ADCY3: variants seen among roughly 807,000 people sequenced by gnomAD.
The protein encoded by ADCY3 is adenylate cyclase type 3.
Under a neutral mutation model 119.4 loss-of-function variants are expected in ADCY3, and 70 were observed. That is an observed-to-expected ratio of 0.59 (90% confidence interval 0.48 to 0.72). The LOEUF is 0.72. Ranked by LOEUF, ADCY3 falls within the 30% of genes least tolerant of loss-of-function variation. The probability of loss-of-function intolerance (pLI) is 0.00; values close to 1 mark genes in which losing one functional copy is unlikely to be tolerated. For missense variants in ADCY3, 1,238 were observed against 1,541.6 expected (o/e 0.80, Z 3.30); for synonymous variants, 672 against 621.4 (o/e 1.08, Z -1.21).
chr2:24,859,195 T>C (rs1173564662), intron 3 of ADCY3, among the ~76,000 whole-genome samples: 1 of 152,152 alleles, frequency 6.6e-6, no homozygotes, highest in Non-Finnish European at 1.5e-5. Context: ...TGTCTGTGTG[T>C]CTCCTGTGAA....
intron 3 of ADCY3, among the ~76,000 whole-genome samples, chr2:24,852,203 C>CG (rs1672386730): frequency 1.3e-5 from 2 of 152,276 alleles, no homozygotes; most frequent in South Asian, 4.1e-4. Context: ...GCGGCTGCCT[C>CG]GGGGGGAACT....
intron 3 of ADCY3, among the ~76,000 whole-genome samples, chr2:24,864,784 T>C (rs777815718): frequency 6.6e-6 from 1 of 152,224 alleles, no homozygotes; most frequent in African/African-American, 2.4e-5. Flanking sequence ...CGGACAGTGG[T>C]GATGGCTGCA....
intron 20 of ADCY3, 151 bp from the exon 21 acceptor site, chr2:24,820,999 G>A: frequency 9.0e-7 from 1 of 1,115,908 alleles, no homozygotes; most frequent in Non-Finnish European, 1.3e-6. Context: ...TTGGAGGGTG[G>A]AAATCACATC....
At chr2:24,912,618 T>A (rs183675038) in intron 2 of ADCY3, among the ~76,000 whole-genome samples, 1 of 144,376 alleles carries the variant, frequency 6.9e-6, no homozygotes, top group Admixed American at 6.8e-5. Flanking sequence ...TGTGTGTGTG[T>A]GTGTGTGCCT....
chr2:24,825,793 T>C (rs1198270693), intron 16 of ADCY3: 2 of 537,450 alleles, frequency 3.7e-6, no homozygotes, highest in East Asian at 6.4e-5. Context: ...CTCTATCCCC[T>C]CCCACCTTCA....
chr2:24,844,764 G>A (rs1287482197), intron 3 of ADCY3, among the ~76,000 whole-genome samples: 1 of 152,208 alleles, frequency 6.6e-6, no homozygotes, highest in Admixed American at 6.5e-5. Flanking sequence ...AGGACAAGGT[G>A]AGCATGCCTG....
At chr2:24,907,874 A>G (rs961659303) in intron 2 of ADCY3, among the ~76,000 whole-genome samples, 10 of 151,732 alleles carry the variant, frequency 6.6e-5, no homozygotes, top group African/African-American at 2.4e-4. Context: ...AGCTCCTGTA[A>G]TCCCAGCTAC....
rs1402140840 is a variant in ADCY3, at chr2:24,819,720, C to T, written c.*212G>A. ...CTGGAAGGACTGTTCAGCCCTATGC[C>T]TAAGACCCCTATGCTGGGGACACTA... On this transcript the variant is annotated 3_prime_UTR_variant, in exon 22 of 22. Transcript: ENST00000679454. 3.5e-6 allele frequency: 2 copies of T among 568,354 alleles called. No homozygotes were observed. Among genetic ancestry groups the T allele is most frequent in the Non-Finnish European group, 6.2e-6 (2 of 323,324 alleles). The allele number at this position is 568,354 out of a possible 1,614,324, so 35.2% of individuals were successfully genotyped here.
intron 3 of ADCY3, among the ~76,000 whole-genome samples, chr2:24,853,700 C>G (rs960450263): frequency 6.6e-6 from 1 of 151,974 alleles, no homozygotes; most frequent in African/African-American, 2.4e-5. Flanking sequence ...CTCAGGTGAT[C>G]TGCCCGAGAT....
chr2:24,888,741 G>T lies in ADCY3; in HGVS notation c.676-16022C>A, dbSNP rs1677349080. ...ATGGTGGAAAGGGCCTGGTGTGGTG[G>T]CTCAGGCCTGTAATCCCAGTACTTT... On this transcript the variant is annotated intron_variant, in intron 2 of 21. Transcript: ENST00000679454. 3.3e-5 allele frequency among the ~76,000 whole-genome samples: 5 copies of T among 152,230 alleles called. No individual in the cohort carries two copies. In the South Asian group the frequency reaches 1.0e-3, roughly 32 times the overall value.
chr2:24,842,217 G>C lies in ADCY3; in HGVS notation c.956+37C>G, dbSNP rs201084529. ...ACAAAGATGCAGCCCTCCACAGCCTGCTCTGCCATCAGAGCCCGCGCCCCG... is the reference window on the plus strand; with the variant it reads ...ACAAAGATGCAGCCCTCCACAGCCTCCTCTGCCATCAGAGCCCGCGCCCCG... On this transcript the variant is annotated intron_variant, in intron 4 of 21. Transcript: ENST00000679454. The surrounding 1 kb of genome is among the most constrained non-coding windows in gnomAD (Gnocchi z 4.9). The C allele has an allele frequency of 9.3e-6, 15 of 1,612,540 alleles. No homozygotes were observed. In the Admixed American group the frequency reaches 2.5e-4, roughly 27 times the overall value.
intron 11 of ADCY3, among the ~76,000 whole-genome samples, chr2:24,833,049 C>T (rs1669807417): frequency 6.6e-6 from 1 of 152,244 alleles, no homozygotes; most frequent in Admixed American, 6.5e-5. Context: ...CACTGATCCT[C>T]CTCTATCCTC....
intron 3 of ADCY3, among the ~76,000 whole-genome samples, chr2:24,862,509 G>T (rs1302302873): frequency 6.6e-6 from 1 of 150,658 alleles, no homozygotes; most frequent in East Asian, 1.9e-4. Flanking sequence ...TCGTGCCACT[G>T]CACTCCAGCC....
In ADCY3 at chr2:24,918,718, G is replaced by A; in HGVS notation, c.270C>T (p.Cys90=). 1 of 1,614,126 alleles carries A rather than the reference G, an allele frequency of 6.2e-7. No individual in the cohort carries two copies. The highest frequency in any genetic ancestry group is 2.2e-5 in the East Asian group (1 of 44,882). The change falls in exon 2 of 22, where the codon TGC becomes TGT. Residue 90 remains cysteine (C), a synonymous_variant. Coordinates refer to ENST00000679454, the MANE Select transcript of ADCY3 (RefSeq NM_004036.5). This position sits in a 1 kb window ranked among gnomAD's most constrained non-coding sequence, Gnocchi z 5.4. ...VLVVFAALFD[C]YVVVMCAVVF... ...CCACAGCACACATGACCACCACGTA[G>A]CAGTCAAAGAGGGCTGCAAAGACCA...
intron 16 of ADCY3, chr2:24,825,775 T>C (rs1479017799): frequency 4.1e-6 from 2 of 491,282 alleles, no homozygotes; most frequent in Middle Eastern, 5.4e-4. Flanking sequence ...AAGATGTTTG[T>C]GCCTTCACTC....
intron 2 of ADCY3, among the ~76,000 whole-genome samples, chr2:24,879,118 C>T (rs868635390): frequency 7.9e-5 from 12 of 152,142 alleles, no homozygotes; most frequent in African/African-American, 1.2e-4. Flanking sequence ...TGGAGCAAGT[C>T]GCCTGCCTCT....
At chr2:24,896,402 T>C (rs1003684983) in intron 2 of ADCY3, among the ~76,000 whole-genome samples, 1 of 152,082 alleles carries the variant, frequency 6.6e-6, no homozygotes, top group East Asian at 1.9e-4. Flanking sequence ...AAAAAGTTAT[T>C]TTCATGTCCT....
intron 2 of ADCY3, among the ~76,000 whole-genome samples, chr2:24,901,796 A>G (rs973119897): frequency 7.3e-5 from 11 of 151,696 alleles, no homozygotes; most frequent in Non-Finnish European, 1.3e-4. Context: ...AAAAAAAAGA[A>G]GAAGGAAAAA....
chr2:24,918,196 G>A lies in ADCY3; in HGVS notation c.675+117C>T, dbSNP rs144613069. ...GACTAGGGAGAGAGGTGAGAGCCCCGGAGGCCCCCAGGACACATTTTGACT... is the reference window on the plus strand; with the variant it reads ...GACTAGGGAGAGAGGTGAGAGCCCCAGAGGCCCCCAGGACACATTTTGACT... On this transcript the variant is annotated intron_variant, in intron 2 of 21. Coordinates refer to ENST00000679454, the MANE Select transcript of ADCY3 (RefSeq NM_004036.5). The surrounding 1 kb of genome is among the most constrained non-coding windows in gnomAD (Gnocchi z 5.4). 9.5e-6 allele frequency: 11 copies of A among 1,163,458 alleles called. No homozygotes were observed. The highest frequency in any genetic ancestry group is 4.7e-5 in the South Asian group (3 of 64,490). 72.1% of individuals were successfully genotyped at this position (1,163,458 alleles called of 1,614,324 possible). A position where few individuals can be genotyped will look rare whatever the true frequency, so the allele number is the denominator to read the frequency against.
Sources: allele counts gnomAD v4.1 joint callset (sites outside exome capture counted in the v4.1 genomes callset), GRCh38; gene constraint gnomAD v4.1.1; non-coding constraint Gnocchi (gnomAD v3.1); transcripts MANE v1.5; gene names NCBI Gene and HGNC (gene_info 2026-07-23, HGNC 2026-07-21).